Variants in SCGB2B2 observed in about 807,000 individuals in gnomAD.
SCGB2B2 encodes secretoglobin-like protein.
A neutral mutation model predicts 7.6 loss-of-function variants in SCGB2B2; 11 were observed. The observed-to-expected ratio is 1.45, with a 90% CI of 0.91 to 2.40. The LOEUF (loss-of-function observed/expected upper bound fraction) is 2.40. SCGB2B2 is among the 30% of genes most tolerant of loss of function. SCGB2B2 has a pLI of 0.00. For missense variants in SCGB2B2, 104 were observed against 115.4 expected, an observed-to-expected ratio of 0.90 and a Z score of 0.45; for synonymous variants, 50 against 48.6, an observed-to-expected ratio of 1.03 and a Z score of -0.12.
intron 1 of SCGB2B2, among the ~76,000 whole-genome samples, chr19:34,642,666 G>A: frequency 7.8e-6 from 1 of 128,816 alleles, no homozygotes; most frequent in Non-Finnish European, 1.6e-5. Context: ...AGTGAGTCGA[G>A]ATCGTGCCAC....
At chr19:34,645,003 A>T (rs1432756686) in intron 1 of SCGB2B2, among the ~76,000 whole-genome samples, 2 of 152,196 alleles carry the variant, frequency 1.3e-5, no homozygotes, top group African/African-American at 4.8e-5. Flanking sequence ...GTGTCTTCAG[A>T]GCTGAAAGTG....
chr19:34,630,333 A>G, intron 1 of SCGB2B2, among the ~76,000 whole-genome samples: 1 of 151,978 alleles, frequency 6.6e-6, no homozygotes. Flanking sequence ...GGCAACCTAC[A>G]AAATGGGAGA....
chr19:34,628,298 A>C (rs8107481), intron 1 of SCGB2B2, among the ~76,000 whole-genome samples: 130,910 of 151,440 alleles, frequency 0.86, 57,257 homozygotes, highest in African/African-American at 0.92. Context: ...GATAGAGACA[A>C]AAAAAAACTC....
rs1600029724 is a variant in SCGB2B2, at chr19:34,591,323, C to T, written c.*2232G>A. Among the ~76,000 whole-genome samples, 3 of 152,188 alleles carry T rather than the reference C, an allele frequency of 2.0e-5. No individual in the cohort carries two copies. The East Asian group carries it at 5.8e-4, about 29-fold the overall frequency. On this transcript the variant is annotated 3_prime_UTR_variant, in exon 4 of 4. Coordinates refer to ENST00000601241, the MANE Select transcript of SCGB2B2 (RefSeq NM_001025591.4). ...AAATGTGATGAGATCATTTTGATTC[C>T]CCTTCTCTCCACATCCTCTCCCCAT...
intron 1 of SCGB2B2, among the ~76,000 whole-genome samples, chr19:34,670,437 C>T (rs923488626): frequency 6.6e-6 from 1 of 152,184 alleles, no homozygotes; most frequent in Non-Finnish European, 1.5e-5. Context: ...TCACTATTCC[C>T]GTTTGGTGTG....
In SCGB2B2 at chr19:34,594,926, C is replaced by T. The variant is rs1341861156; in HGVS notation, c.-363G>A. 2.7e-5 allele frequency: 8 copies of T among 300,820 alleles called. No homozygotes were observed. Among genetic ancestry groups the T allele is most frequent in the East Asian group, 2.1e-4 (3 of 14,510 alleles). The allele number at this position is 300,820 out of a possible 1,614,324, so 18.6% of individuals were successfully genotyped here. A position where few individuals can be genotyped will look rare whatever the true frequency, so the allele number is the denominator to read the frequency against. On this transcript the variant is annotated 5_prime_UTR_variant, in exon 2 of 4. Coordinates refer to ENST00000601241, the MANE Select transcript of SCGB2B2 (RefSeq NM_001025591.4). Reference sequence around the variant, plus strand: ...ACATGTGACCCTGTGTCTTGGCAAACGTGTGTCTGCACTTGGCACGCCCTA... The same window carrying T: ...ACATGTGACCCTGTGTCTTGGCAAATGTGTGTCTGCACTTGGCACGCCCTA...
chr19:34,673,905 T>G (rs1600075076), intron 1 of SCGB2B2, among the ~76,000 whole-genome samples: 1 of 152,344 alleles, frequency 6.6e-6, no homozygotes, highest in Admixed American at 6.5e-5. Flanking sequence ...TCTGGCTCTC[T>G]TATACTCCTG....
At chr19:34,590,346 G>A (rs905653912), downstream of SCGB2B2, among the ~76,000 whole-genome samples, 1 of 151,240 alleles carries the variant, frequency 6.6e-6, no homozygotes, top group African/African-American at 2.4e-5. Context: ...ATCCATCCAT[G>A]CACTCATCAT....
At chr19:34,640,177 C>G (rs548983815) in intron 1 of SCGB2B2, among the ~76,000 whole-genome samples, 1 of 152,228 alleles carries the variant, frequency 6.6e-6, no homozygotes, top group African/African-American at 2.4e-5. Context: ...GTGGGGCTCA[C>G]TGCAGCCTCG....
chr19:34,648,588 T>G (rs2067081899), intron 1 of SCGB2B2, among the ~76,000 whole-genome samples: 1 of 151,968 alleles, frequency 6.6e-6, no homozygotes, highest in Non-Finnish European at 1.5e-5. Context: ...ACATATTTAT[T>G]GCCAAGCTAT....
Position 34,595,001 on chromosome 19 carries a change from G to C in SCGB2B2, c.-438C>G, listed in dbSNP as rs73594685. 0.025 allele frequency: 4,829 copies of C among 196,428 alleles called. 203 individuals carry two copies. Among genetic ancestry groups the C allele is most frequent in the South Asian group, 0.097 (835 of 8,616 alleles). 12.2% of individuals were successfully genotyped at this position (196,428 alleles called of 1,614,324 possible). A position where few individuals can be genotyped will look rare whatever the true frequency, so the allele number is the denominator to read the frequency against. ...GGCTCAACAAACATTTGCTAAGTGA[G>C]TATGTCTGTCTGAATGGATAGCACA... On this transcript the variant is annotated 5_prime_UTR_variant, in exon 2 of 4. The change creates a premature stop within an existing upstream ORF in the 5' untranslated region. Transcript: ENST00000601241.
chr19:34,671,316 T>C (rs556629208), intron 1 of SCGB2B2, among the ~76,000 whole-genome samples: 1 of 152,386 alleles, frequency 6.6e-6, no homozygotes, highest in South Asian at 2.1e-4. Flanking sequence ...TCATTTGATC[T>C]TCTAAGTGTT....
intron 1 of SCGB2B2, among the ~76,000 whole-genome samples, chr19:34,609,867 G>A (rs2065882238): frequency 6.6e-6 from 1 of 151,908 alleles, no homozygotes; most frequent in Admixed American, 6.6e-5. Flanking sequence ...AGATGTCGTT[G>A]GTATTTTTAT....
chr19:34,657,041 G>A (rs2067302163), intron 1 of SCGB2B2, among the ~76,000 whole-genome samples: 1 of 151,188 alleles, frequency 6.6e-6, no homozygotes, highest in Admixed American at 6.6e-5. Flanking sequence ...TAATCTTAGA[G>A]CATCTACAGA....
chr19:34,664,446 G>C (rs1568443519), intron 1 of SCGB2B2, among the ~76,000 whole-genome samples: 1 of 152,188 alleles, frequency 6.6e-6, no homozygotes, highest in African/African-American at 2.4e-5. Flanking sequence ...CCTGCCCAGG[G>C]ACACCAGGGC....
chr19:34,626,502 G>C (rs1282156942), intron 1 of SCGB2B2, among the ~76,000 whole-genome samples: 1 of 152,164 alleles, frequency 6.6e-6, no homozygotes, highest in Non-Finnish European at 1.5e-5. Flanking sequence ...GGAAGAAAGG[G>C]TATCAGTGAC....
intron 1 of SCGB2B2, chr19:34,638,393 A>T (rs1252687398): frequency 1.3e-5 from 2 of 152,006 alleles, no homozygotes; most frequent in Non-Finnish European, 2.9e-5. Flanking sequence ...CAGTGAGCCA[A>T]GATTGCGTCA....
chr19:34,594,125 C>T (rs750065560), intron 3 of SCGB2B2, 50 bp downstream of exon 3: 4 of 1,467,996 alleles, frequency 2.7e-6, no homozygotes, highest in Non-Finnish European at 3.8e-6. Context: ...AAGTGCAAGC[C>T]TGGGACGTGT....
chr19:34,653,178 GAAT>G (rs1401958899), intron 1 of SCGB2B2, among the ~76,000 whole-genome samples: 1 of 151,250 alleles, frequency 6.6e-6, no homozygotes, highest in East Asian at 1.9e-4. Flanking sequence ...GAAGAGTGTA[GAAT>G]AATGGTTACT....
Sources: allele counts gnomAD v4.1 joint callset (sites outside exome capture counted in the v4.1 genomes callset), GRCh38; gene constraint gnomAD v4.1.1; transcripts MANE v1.5; gene names NCBI Gene and HGNC (gene_info 2026-07-23, HGNC 2026-07-21).